The following DNAH14 variants were observed in gnomAD, a reference collection of about 807,000 sequenced individuals.
DNAH14 encodes the protein axonemal beta dynein heavy chain 14.
In DNAH14, 478 loss-of-function variants were observed where a neutral mutation model predicts 520.9. The observed-to-expected ratio is 0.92, with a 90% confidence interval of 0.85 to 0.99. The LOEUF (loss-of-function observed/expected upper bound fraction) is 0.99. DNAH14 is among the 50% of genes least tolerant of loss of function. The pLI is 0.00. For missense variants in DNAH14, 4,831 were observed against 5,234.5 expected (o/e 0.92, Z 2.38); for synonymous variants, 1,581 against 1,757.2 (o/e 0.90, Z 2.51).
At chr1:224,934,244 A>T (rs2058883071) in intron 1 of DNAH14, among the ~76,000 whole-genome samples, 1 of 152,070 alleles carries the variant, frequency 6.6e-6, no homozygotes. Flanking sequence ...AAAGAATCTC[A>T]GTGACATACA....
At position 225,003,792 on chromosome 1, in the gene DNAH14, A is replaced by T. The variant is rs567267533; in HGVS notation, c.975+865A>T. Among the ~76,000 whole-genome samples the T allele has an allele frequency of 4.6e-5, 7 of 152,242 alleles. No individual in the cohort carries two copies. The South Asian group carries it at 1.5e-3, about 32-fold the overall frequency. On this transcript the variant is annotated intron_variant, in intron 9 of 85. Coordinates refer to ENST00000682510, the MANE Select transcript of DNAH14 (RefSeq NM_001367479.1). ...ACCTTAAGTAGGAGACATTTCACAG[A>T]GGAATCTCTTTGATTTGGTTTTTAT...
intron 38 of DNAH14, among the ~76,000 whole-genome samples, chr1:225,197,929 C>T (rs554374928): frequency 8.1e-4 from 123 of 152,110 alleles, no homozygotes; most frequent in Non-Finnish European, 1.5e-3. Context: ...TTTCTAGGAG[C>T]GTTCTGGAGG....
At chr1:225,104,271 G>T (rs954625650) in intron 23 of DNAH14, among the ~76,000 whole-genome samples, 1 of 152,170 alleles carries the variant, frequency 6.6e-6, no homozygotes, top group South Asian at 2.1e-4. Context: ...TTGATGTGCT[G>T]CTGGATTCGG....
chr1:224,935,421 G>A (rs574880916), intron 1 of DNAH14, among the ~76,000 whole-genome samples: 16 of 151,878 alleles, frequency 1.1e-4, no homozygotes. Context: ...AAGCCAAAAG[G>A]GAGTAGGAGT....
At chr1:225,251,740 A>G (rs1310936598) in intron 43 of DNAH14, among the ~76,000 whole-genome samples, 1 of 152,160 alleles carries the variant, frequency 6.6e-6, no homozygotes, top group South Asian at 2.1e-4. Flanking sequence ...AAGAAAACAC[A>G]ATTTTTCAAA....
At chr1:225,060,474 T>C (rs1250193578) in intron 17 of DNAH14, among the ~76,000 whole-genome samples, 2 of 152,224 alleles carry the variant, frequency 1.3e-5, no homozygotes, top group Non-Finnish European at 2.9e-5. Flanking sequence ...CTCCTTTAGC[T>C]CAGAGTAGTT....
chr1:225,234,118 G>C (rs1416774686), intron 42 of DNAH14, among the ~76,000 whole-genome samples: 1 of 152,110 alleles, frequency 6.6e-6, no homozygotes, highest in African/African-American at 2.4e-5. Flanking sequence ...TCTTATTTCT[G>C]AGTTCTCTAT....
chr1:225,370,696 G>A (rs2095608684), intron 77 of DNAH14, among the ~76,000 whole-genome samples: 1 of 151,500 alleles, frequency 6.6e-6, no homozygotes, highest in African/African-American at 2.4e-5. Flanking sequence ...TAAGAAATTA[G>A]AAAACAAAAG....
intron 21 of DNAH14, among the ~76,000 whole-genome samples, chr1:225,094,246 A>G (rs1172162787): frequency 6.6e-6 from 1 of 152,222 alleles, no homozygotes; most frequent in Non-Finnish European, 1.5e-5. Context: ...GGCTACAGTA[A>G]CCAAAACAGC....
chr1:225,384,074 T>C (rs980380693), intron 81 of DNAH14, among the ~76,000 whole-genome samples: 13 of 152,236 alleles, frequency 8.5e-5, no homozygotes, highest in Non-Finnish European at 1.8e-4. Context: ...TCATGAGCTC[T>C]AGTTTGATTG....
In DNAH14 at chr1:225,123,551, C is replaced by T. The variant is rs1427473214; in HGVS notation, c.4191C>T (p.Asp1397=). The change falls in exon 27 of 86, where the codon GAC becomes GAT. Residue 1397 remains aspartate, a synonymous_variant. Coordinates refer to ENST00000682510, the MANE Select transcript of DNAH14 (RefSeq NM_001367479.1). ...LKKFLSQGIE[D]WNCQMFSQWV... ...GATTTTTAAGTCAAGGGATTGAAGA[C>T]TGGAACTGCCAGATGTTTTCCCAAT... 2 of 431,918 alleles carry T rather than the reference C, an allele frequency of 4.6e-6. No individual in the cohort carries two copies. The highest frequency in any genetic ancestry group is 7.5e-5 in the East Asian group (1 of 13,276). 26.8% of individuals were successfully genotyped at this position (431,918 alleles called of 1,614,324 possible). A position where few individuals can be genotyped will look rare whatever the true frequency, so the allele number is the denominator to read the frequency against.
At chr1:225,035,753 A>T (rs2066910248) in intron 11 of DNAH14, among the ~76,000 whole-genome samples, 1 of 152,088 alleles carries the variant, frequency 6.6e-6, no homozygotes, top group South Asian at 2.1e-4. Context: ...TTGATCTGAC[A>T]TATGGTCTAT....
chr1:225,105,974 C>T lies in DNAH14; in HGVS notation c.3867+5090C>T, dbSNP rs1334301549. On this transcript the variant is annotated intron_variant, in intron 23 of 85. Transcript: ENST00000682510. ...TGCTCTTTAGTTGATGCAGTTTCTT[C>T]CTGCATGGTCTTTACAATTTGGCAT... Among the ~76,000 whole-genome samples, 3 of 133,486 alleles carry T rather than the reference C, an allele frequency of 2.2e-5. 1 individual carries two copies. The highest frequency in any genetic ancestry group is 4.3e-4 in the East Asian group (2 of 4,604). 87.6% of individuals were successfully genotyped at this position (133,486 alleles called of 152,430 possible). A position where few individuals can be genotyped will look rare whatever the true frequency, so the allele number is the denominator to read the frequency against.
chr1:225,144,920 T>G (rs1007804521), intron 29 of DNAH14, among the ~76,000 whole-genome samples: 2 of 151,908 alleles, frequency 1.3e-5, no homozygotes, highest in African/African-American at 4.8e-5. Flanking sequence ...TTTGTGTGTG[T>G]ATGTGTGTGT....
intron 17 of DNAH14, among the ~76,000 whole-genome samples, chr1:225,057,700 C>A (rs1376816659): frequency 6.6e-6 from 1 of 152,100 alleles, no homozygotes; most frequent in Non-Finnish European, 1.5e-5. Context: ...TGAGATATGT[C>A]CCATCAATAC....
intron 77 of DNAH14, among the ~76,000 whole-genome samples, chr1:225,373,588 A>G (rs1022373499): frequency 2.0e-5 from 3 of 152,114 alleles, no homozygotes; most frequent in African/African-American, 7.2e-5. Flanking sequence ...GAGAGAGAAG[A>G]AAAGAAGTCA....
In DNAH14 at chr1:225,134,602, A is replaced by G. The variant is rs567115659; in HGVS notation, c.4255-6166A>G. ...TTGTTTGTGGTGAATAAGGTTTTTGATGTGCTGCTGGATTTGGTTTGCCAG... is the reference window on the plus strand; with the variant it reads ...TTGTTTGTGGTGAATAAGGTTTTTGGTGTGCTGCTGGATTTGGTTTGCCAG... On this transcript the variant is annotated intron_variant, in intron 27 of 85. Coordinates refer to ENST00000682510, the MANE Select transcript of DNAH14 (RefSeq NM_001367479.1). Among the ~76,000 whole-genome samples the G allele has an allele frequency of 5.3e-5, 8 of 152,172 alleles. No individual in the cohort carries two copies. In the East Asian group the frequency reaches 1.3e-3, roughly 26 times the overall value.
At chr1:225,153,618 G>GT in intron 33 of DNAH14, 132 bp from the exon 34 acceptor site, 1 of 582,388 alleles carries the variant, frequency 1.7e-6, no homozygotes, top group Non-Finnish European at 2.9e-6. Context: ...ATAACCAAGG[G>GT]TTTTTTGGAT....
intron 23 of DNAH14, 44 bp downstream of exon 23, chr1:225,100,928 G>A (rs1266445681): frequency 7.1e-7 from 1 of 1,410,186 alleles, no homozygotes; most frequent in Non-Finnish European, 9.4e-7. Context: ...TTTAACAAAA[G>A]TAAAGTAAAA....
Sources: gnomAD v4.1 joint callset for allele counts (sites outside exome capture counted in the v4.1 genomes callset) on GRCh38, gnomAD v4.1.1 for gene constraint, MANE v1.5 for transcripts, NCBI Gene and HGNC (gene_info 2026-07-23, HGNC 2026-07-21) for gene names.